The following CALN1 variants were observed in gnomAD, a reference collection of about 807,000 sequenced individuals.
CALN1 encodes the protein calneuron 1.
A neutral mutation model predicts 30.6 loss-of-function variants in CALN1; 17 were observed. The ratio of observed to expected loss-of-function variants is 0.56; its 90% confidence interval spans 0.38 to 0.83. CALN1 has a LOEUF of 0.83. CALN1 is among the 40% of genes least tolerant of loss of function. CALN1 has a pLI of 0.00. For synonymous variants in CALN1, 156 were observed against 131.4 expected, an observed-to-expected ratio of 1.19 and a Z score of -1.28; for missense variants, 291 against 354.9, an observed-to-expected ratio of 0.82 and a Z score of 1.45.
intron 3 of CALN1, among the ~76,000 whole-genome samples, chr7:72,153,146 G>A (rs78984755): frequency 6.6e-6 from 1 of 152,300 alleles, no homozygotes; most frequent in East Asian, 1.9e-4. Context: ...CCCAAATTCT[G>A]TTCCAAGAAG....
At chr7:72,288,411 G>GAAAT (rs1256517186) in intron 2 of CALN1, among the ~76,000 whole-genome samples, 1 of 152,146 alleles carries the variant, frequency 6.6e-6, no homozygotes, top group African/African-American at 2.4e-5. Context: ...CTTGGTCTTG[G>GAAAT]AAATCACACA....
intron 1 of CALN1, among the ~76,000 whole-genome samples, chr7:72,407,084 T>G (rs1806747910): frequency 6.6e-6 from 1 of 152,190 alleles, no homozygotes; most frequent in African/African-American, 2.4e-5. Flanking sequence ...CTCTATCACC[T>G]GCATCACTTT....
intron 4 of CALN1, among the ~76,000 whole-genome samples, chr7:72,074,439 G>T (rs114084059): frequency 6.6e-6 from 1 of 151,996 alleles, no homozygotes; most frequent in East Asian, 1.9e-4. Context: ...ACAGGGTCTC[G>T]CTCTGTCAAC....
chr7:72,307,871 C>G (rs1161749464), intron 2 of CALN1, among the ~76,000 whole-genome samples: 3 of 145,556 alleles, frequency 2.1e-5, no homozygotes, highest in African/African-American at 7.7e-5. Context: ...GGGTCCCAGA[C>G]GACAAGAGAA....
intron 3 of CALN1, among the ~76,000 whole-genome samples, chr7:72,194,435 C>G (rs140649870): frequency 0.017 from 2,543 of 152,088 alleles, 60 homozygotes; most frequent in African/African-American, 0.058. Context: ...GAGGCTGAGG[C>G]AGGAGAATCA....
chr7:72,015,438 T>A (rs534127914), intron 5 of CALN1, among the ~76,000 whole-genome samples: 1 of 151,910 alleles, frequency 6.6e-6, no homozygotes, highest in Admixed American at 6.6e-5. Flanking sequence ...TCTTTCTTTT[T>A]TTTTTTTTTT....
In CALN1 at chr7:71,784,945, G is replaced by C. The variant is rs1792907072; in HGVS notation, c.*2830C>G. 7.5e-6 allele frequency: 3 copies of C among 398,444 alleles called. No homozygotes were observed. In the South Asian group the frequency reaches 3.8e-4, roughly 51 times the overall value. 24.7% of individuals were successfully genotyped at this position (398,444 alleles called of 1,614,324 possible). A position where few individuals can be genotyped will look rare whatever the true frequency, so the allele number is the denominator to read the frequency against. On this transcript the variant is annotated 3_prime_UTR_variant, in exon 7 of 7. Coordinates refer to ENST00000395275, the MANE Select transcript of CALN1 (RefSeq NM_031468.4). ...ATTTGTGTGAACAGGGCTGGGAGTT[G>C]GCTGCCTGACAAGGAAGGCTTCCCT...
chr7:72,346,979 G>T (rs1324642541), intron 2 of CALN1, among the ~76,000 whole-genome samples: 1 of 152,088 alleles, frequency 6.6e-6, no homozygotes, highest in Non-Finnish European at 1.5e-5. Context: ...TGTGTGAGAA[G>T]GAAAAGTGGG....
intron 5 of CALN1, among the ~76,000 whole-genome samples, chr7:71,978,677 T>C (rs1358231813): frequency 6.6e-6 from 1 of 152,180 alleles, no homozygotes; most frequent in Non-Finnish European, 1.5e-5. Flanking sequence ...TGCCTGGTCC[T>C]ATTACTTCCC....
chr7:72,021,842 G>A (rs1203133531), intron 5 of CALN1, among the ~76,000 whole-genome samples: 2 of 152,102 alleles, frequency 1.3e-5, no homozygotes, highest in African/African-American at 4.8e-5. Flanking sequence ...TTGGCTGCTT[G>A]ACCCTCACCT....
chr7:71,921,134 C>G (rs1467274940), intron 5 of CALN1, among the ~76,000 whole-genome samples: 3 of 152,134 alleles, frequency 2.0e-5, no homozygotes, highest in African/African-American at 7.2e-5. Flanking sequence ...TACTCTCACT[C>G]ATAAATGGGA....
chr7:72,325,697 T>G (rs1370122921), intron 2 of CALN1, among the ~76,000 whole-genome samples: 4 of 152,060 alleles, frequency 2.6e-5, no homozygotes, highest in African/African-American at 7.2e-5. Flanking sequence ...CCTAGGTAAA[T>G]AACTTGAGGC....
chr7:71,817,964 A>C (rs1788365181), intron 5 of CALN1, among the ~76,000 whole-genome samples: 1 of 151,798 alleles, frequency 6.6e-6, no homozygotes, highest in African/African-American at 2.4e-5. Context: ...AATTATTCTT[A>C]TAGTTCAAAT....
intron 2 of CALN1, among the ~76,000 whole-genome samples, chr7:72,306,823 G>T (rs1291341274): frequency 1.3e-5 from 2 of 152,068 alleles, no homozygotes; most frequent in African/African-American, 4.8e-5. Flanking sequence ...TGGGCACCTG[G>T]TTCTCAGGAC....
chr7:72,042,321 G>A (rs574807664), intron 4 of CALN1, among the ~76,000 whole-genome samples: 1 of 152,264 alleles, frequency 6.6e-6, no homozygotes, highest in African/African-American at 2.4e-5. Context: ...TTACCATGGA[G>A]AAAGAATACA....
intron 3 of CALN1, among the ~76,000 whole-genome samples, chr7:72,214,731 G>A (rs180732627): frequency 1.3e-5 from 2 of 152,062 alleles, no homozygotes. Flanking sequence ...CAGAAGTGAA[G>A]CTTCATATCT....
intron 3 of CALN1, among the ~76,000 whole-genome samples, chr7:72,194,115 T>C (rs1167192139): frequency 1.3e-5 from 2 of 152,174 alleles, no homozygotes; most frequent in African/African-American, 2.4e-5. Flanking sequence ...AATAAATAAA[T>C]ACAAAGTATT....
chr7:72,327,339 G>A (rs749094004), intron 2 of CALN1, among the ~76,000 whole-genome samples: 26 of 152,096 alleles, frequency 1.7e-4, no homozygotes, highest in South Asian at 4.1e-4. Context: ...CTAAAAATAC[G>A]AAAATTAGGT....
intron 6 of CALN1, among the ~76,000 whole-genome samples, chr7:71,791,938 G>A (rs1786587127): frequency 6.6e-6 from 1 of 152,064 alleles, no homozygotes; most frequent in African/African-American, 2.4e-5. Flanking sequence ...GTGAACCCGG[G>A]AGGCAGAGCT....
Sources: gnomAD v4.1 joint callset for allele counts (sites outside exome capture counted in the v4.1 genomes callset) on GRCh38, gnomAD v4.1.1 for gene constraint, MANE v1.5 for transcripts, NCBI Gene and HGNC (gene_info 2026-07-23, HGNC 2026-07-21) for gene names.